The following SLC26A7 variants were observed in gnomAD, a reference collection of about 807,000 sequenced individuals.
The protein encoded by SLC26A7 is anion exchange transporter.
In SLC26A7, 59 loss-of-function variants were observed where a neutral mutation model predicts 82.5. The ratio of observed to expected loss-of-function variants is 0.72; its 90% CI spans 0.58 to 0.89. The LOEUF (loss-of-function observed/expected upper bound fraction) is 0.89. Ranked by LOEUF, SLC26A7 falls within the 40% of genes least tolerant of loss-of-function variation. SLC26A7 has a pLI of 0.00. For missense variants in SLC26A7, 820 were observed against 793.0 expected (o/e 1.03, Z -0.41); for synonymous variants, 271 against 274.3 (o/e 0.99, Z 0.12).
intron 2 of SLC26A7, among the ~76,000 whole-genome samples, chr8:91,278,458 T>C (rs181225808): frequency 2.0e-5 from 3 of 152,300 alleles, no homozygotes; most frequent in Non-Finnish European, 4.4e-5. Context: ...TCATAATATA[T>C]AGAAGTATAT....
At chr8:91,290,848 TG>T (rs1339443180) in intron 3 of SLC26A7, among the ~76,000 whole-genome samples, 1 of 152,182 alleles carries the variant, frequency 6.6e-6, no homozygotes, top group Non-Finnish European at 1.5e-5. Flanking sequence ...CAATTAATTT[TG>T]TTATGAGGGA....
At chr8:91,335,244 A>G (rs1214142511) in intron 6 of SLC26A7, among the ~76,000 whole-genome samples, 1 of 152,148 alleles carries the variant, frequency 6.6e-6, no homozygotes, top group Non-Finnish European at 1.5e-5. Flanking sequence ...ATGTAGGTTT[A>G]TGTACAATTA....
At position 91,340,552 on chromosome 8, in the gene SLC26A7, G is replaced by C; in HGVS notation, c.1026+1G>C. 2 of 1,613,726 alleles carry C rather than the reference G, an allele frequency of 1.2e-6. No homozygotes were observed. Among genetic ancestry groups the C allele is most frequent in the Non-Finnish European group, 1.7e-6 (2 of 1,179,856 alleles). On this transcript the variant is annotated splice_donor_variant, in intron 8 of 18. Transcript: ENST00000276609. LOFTEE classifies it high-confidence loss of function. ...CAAATATTCAATTGATGACAACCAG[G>C]TGGAGTGTGCCCCCAGTCCCTCTCC...
At chr8:91,323,665 A>G (rs557744638) in intron 5 of SLC26A7, among the ~76,000 whole-genome samples, 1 of 152,154 alleles carries the variant, frequency 6.6e-6, no homozygotes. Context: ...CAACTGTATC[A>G]TATAGTTATT....
At chr8:91,366,515 A>G in intron 13 of SLC26A7, 65 bp from the exon 14 acceptor site, 1 of 1,540,010 alleles carries the variant, frequency 6.5e-7, no homozygotes, top group Non-Finnish European at 8.8e-7. Flanking sequence ...TGACATTTAG[A>G]TCTGATTGTT....
At chr8:91,391,339 A>T (rs893347079) in intron 16 of SLC26A7, among the ~76,000 whole-genome samples, 1 of 152,224 alleles carries the variant, frequency 6.6e-6, no homozygotes, top group Non-Finnish European at 1.5e-5. Flanking sequence ...AAAATGAGGC[A>T]GCGATTTTGT....
intron 18 of SLC26A7, chr8:91,394,382 A>T: frequency 6.6e-7 from 1 of 1,513,774 alleles, no homozygotes; most frequent in East Asian, 2.3e-5. Context: ...AAATATAAAA[A>T]CTCTAAATAT....
chr8:91,230,315 C>A (rs1353328185), intron 2 of SLC26A7, among the ~76,000 whole-genome samples: 1 of 152,190 alleles, frequency 6.6e-6, no homozygotes, highest in Non-Finnish European at 1.5e-5. Flanking sequence ...AGTCCAAACT[C>A]CTTGACATCT....
chr8:91,355,863 G>T (rs1813850642), intron 11 of SLC26A7, among the ~76,000 whole-genome samples: 2 of 152,076 alleles, frequency 1.3e-5, no homozygotes, highest in African/African-American at 4.8e-5. Context: ...GTCTCCAAAT[G>T]CTATCCCTCC....
chr8:91,234,827 A>ACTTCCTTCCTTCCTTCCTTCCTTC (rs1315137017), intron 2 of SLC26A7, among the ~76,000 whole-genome samples: 63 of 92,536 alleles, frequency 6.8e-4, no homozygotes, highest in African/African-American at 2.5e-3. Context: ...CTACCTACCT[A>ACTTCCTTCCTTCCTTCCTTCCTTC]CTTCCTTCCT....
At chr8:91,333,472 G>A (rs542565942) in intron 5 of SLC26A7, among the ~76,000 whole-genome samples, 1 of 152,210 alleles carries the variant, frequency 6.6e-6, no homozygotes, top group South Asian at 2.1e-4. Context: ...TATGCTGTAA[G>A]TTTTACAAAT....
chr8:91,375,041 GAT>G (rs1436730707), intron 15 of SLC26A7, among the ~76,000 whole-genome samples: 2 of 150,786 alleles, frequency 1.3e-5, no homozygotes, highest in Non-Finnish European at 3.0e-5. Flanking sequence ...TGTTTTATTT[GAT>G]ACAAGAATAG....
At chr8:91,293,428 T>C (rs1420267189) in intron 3 of SLC26A7, among the ~76,000 whole-genome samples, 1 of 152,216 alleles carries the variant, frequency 6.6e-6, no homozygotes, top group Non-Finnish European at 1.5e-5. Context: ...GCCACACATA[T>C]TCACTGGCAG....
chr8:91,267,708 C>G (rs919844169), intron 2 of SLC26A7, among the ~76,000 whole-genome samples: 1 of 151,602 alleles, frequency 6.6e-6, no homozygotes, highest in Non-Finnish European at 1.5e-5. Flanking sequence ...AAATACCCAA[C>G]CCTTTTTTTC....
At chr8:91,358,255 A>G (rs975108083) in intron 11 of SLC26A7, among the ~76,000 whole-genome samples, 1 of 152,118 alleles carries the variant, frequency 6.6e-6, no homozygotes. Flanking sequence ...CCATCCCATT[A>G]CTGGGTATAT....
At chr8:91,315,924 A>T (rs898935051) in intron 4 of SLC26A7, among the ~76,000 whole-genome samples, 11 of 152,218 alleles carry the variant, frequency 7.2e-5, no homozygotes, top group African/African-American at 2.2e-4. Flanking sequence ...TAAGGCAAAT[A>T]TCACTCTAAT....
At chr8:91,353,661 G>C (rs1813782942) in intron 11 of SLC26A7, among the ~76,000 whole-genome samples, 1 of 152,054 alleles carries the variant, frequency 6.6e-6, no homozygotes, top group African/African-American at 2.4e-5. Flanking sequence ...TATTATGACA[G>C]TCACCATATT....
At chr8:91,367,977 A>T (rs1399353620) in intron 14 of SLC26A7, among the ~76,000 whole-genome samples, 1 of 152,198 alleles carries the variant, frequency 6.6e-6, no homozygotes, top group African/African-American at 2.4e-5. Context: ...AACCTTATAT[A>T]CAGGATCAGA....
At chr8:91,278,936 T>C (rs1811479955) in intron 2 of SLC26A7, among the ~76,000 whole-genome samples, 1 of 151,832 alleles carries the variant, frequency 6.6e-6, no homozygotes, top group Admixed American at 6.6e-5. Flanking sequence ...TTCTGGTAAC[T>C]ATCATTTCAC....
Sources: allele counts gnomAD v4.1 joint callset (sites outside exome capture counted in the v4.1 genomes callset), GRCh38; gene constraint gnomAD v4.1.1; transcripts MANE v1.5; gene names NCBI Gene and HGNC (gene_info 2026-07-23, HGNC 2026-07-21).